Variants in GMDS observed in about 807,000 individuals in gnomAD.
GMDS encodes the protein GDP-mannose 4,6-dehydratase, also known as GDP-mannose 4,6 dehydratase.
A neutral mutation model predicts 49.9 loss-of-function variants in GMDS; 20 were observed. The ratio of observed to expected loss-of-function variants is 0.40; its 90% CI spans 0.28 to 0.58. The LOEUF (loss-of-function observed/expected upper bound fraction) is 0.58, where lower values mean the gene tolerates loss of function less well. Among genes scored for constraint, GMDS ranks in the 20% least tolerant of loss-of-function variants. The probability of loss-of-function intolerance (pLI) is 0.42; values close to 1 mark genes in which losing one functional copy is unlikely to be tolerated. For synonymous variants in GMDS, 177 were observed against 178.6 expected (o/e 0.99, Z 0.07); for missense variants, 362 against 481.4 (o/e 0.75, Z 2.32).
At chr6:1,700,560 C>A (rs1409982552) in intron 9 of GMDS, among the ~76,000 whole-genome samples, 1 of 152,164 alleles carries the variant, frequency 6.6e-6, no homozygotes, top group Non-Finnish European at 1.5e-5. Flanking sequence ...GAGTCAGGAG[C>A]TGCACGGCCA....
chr6:1,731,761 G>A (rs1265309060), intron 8 of GMDS, among the ~76,000 whole-genome samples: 2 of 152,200 alleles, frequency 1.3e-5, no homozygotes, highest in African/African-American at 4.8e-5. Flanking sequence ...CTCAGTGCAG[G>A]ATAGCAGCTA....
At chr6:2,156,572 AAAATATT>A (rs1777124482) in intron 1 of GMDS, among the ~76,000 whole-genome samples, 1 of 152,252 alleles carries the variant, frequency 6.6e-6, no homozygotes, top group Non-Finnish European at 1.5e-5. Flanking sequence ...GATAACTATT[AAAATATT>A]AAGTGTAGTG....
At chr6:1,981,150 A>T (rs576856424) in intron 4 of GMDS, among the ~76,000 whole-genome samples, 2 of 152,248 alleles carry the variant, frequency 1.3e-5, no homozygotes, top group South Asian at 4.2e-4. Flanking sequence ...CCAAGAGCAA[A>T]CAAACCCCAA....
At chr6:1,964,259 A>G (rs775952645) in intron 4 of GMDS, among the ~76,000 whole-genome samples, 1 of 152,208 alleles carries the variant, frequency 6.6e-6, no homozygotes, top group African/African-American at 2.4e-5. Flanking sequence ...TCAAGGGACC[A>G]GTCAATTTTG....
At chr6:2,125,579 G>A (rs1775384880) in intron 1 of GMDS, among the ~76,000 whole-genome samples, 1 of 152,124 alleles carries the variant, frequency 6.6e-6, no homozygotes, top group East Asian at 1.9e-4. Context: ...GGGTGGCAGA[G>A]GGAGACATTG....
intron 7 of GMDS, among the ~76,000 whole-genome samples, chr6:1,791,904 CTT>C (rs946824843): frequency 2.0e-4 from 31 of 152,176 alleles, no homozygotes; most frequent in Middle Eastern, 3.4e-3. Flanking sequence ...ACAGAAATCT[CTT>C]GTTTCTTGCT....
intron 7 of GMDS, among the ~76,000 whole-genome samples, chr6:1,922,668 G>T (rs537056459): frequency 8.1e-4 from 124 of 152,302 alleles, no homozygotes; most frequent in African/African-American, 2.9e-3. Flanking sequence ...GTAGAAGAGA[G>T]AAACGTGGTT....
At chr6:2,092,635 A>C (rs1773384197) in intron 4 of GMDS, among the ~76,000 whole-genome samples, 1 of 152,198 alleles carries the variant, frequency 6.6e-6, no homozygotes, top group South Asian at 2.1e-4. Flanking sequence ...TAAGACACTG[A>C]GATTCTATGG....
chr6:2,117,595 G>A, intron 2 of GMDS, 39 bp from the exon 3 acceptor site: 1 of 1,018,134 alleles, frequency 9.8e-7, no homozygotes, highest in East Asian at 2.4e-5. Context: ...TGTGCAATGA[G>A]GACTAATAAA....
chr6:1,774,105 G>A (rs1228232371), intron 7 of GMDS, among the ~76,000 whole-genome samples: 1 of 152,230 alleles, frequency 6.6e-6, no homozygotes, highest in Non-Finnish European at 1.5e-5. Flanking sequence ...CCCAAAGAGT[G>A]CTGACTATAT....
At chr6:2,159,738 C>T (rs150103739) in intron 1 of GMDS, among the ~76,000 whole-genome samples, 5 of 151,360 alleles carry the variant, frequency 3.3e-5, no homozygotes, top group Admixed American at 1.3e-4. Context: ...AAGCTGGTTT[C>T]GAACCTGACC....
chr6:1,721,864 C>T (rs1766396279), intron 9 of GMDS, among the ~76,000 whole-genome samples: 1 of 151,980 alleles, frequency 6.6e-6, no homozygotes, highest in Non-Finnish European at 1.5e-5. Context: ...TACTGAGTAG[C>T]CCCTGAACTT....
At chr6:2,051,092 G>A (rs930635399) in intron 4 of GMDS, among the ~76,000 whole-genome samples, 3 of 152,086 alleles carry the variant, frequency 2.0e-5, no homozygotes, top group Non-Finnish European at 4.4e-5. Context: ...ATGTACCCTA[G>A]AACTTAAAAT....
At chr6:1,919,110 T>C (rs1020777253) in intron 7 of GMDS, among the ~76,000 whole-genome samples, 3 of 152,196 alleles carry the variant, frequency 2.0e-5, no homozygotes, top group Admixed American at 2.0e-4. Context: ...AGGTATTTAC[T>C]GGGCATCTGT....
rs1451774664 is a variant in GMDS, at chr6:1,678,198, T to C, written c.987+48218A>G. Among the ~76,000 whole-genome samples, 7 of 152,186 alleles carry C rather than the reference T, an allele frequency of 4.6e-5. No individual in the cohort carries two copies. The South Asian group carries it at 1.5e-3, about 32-fold the overall frequency. ...TCTCAAGGCGAAGATCAGGAAAAAA[T>C]CCCCTGTGCTTCTGGCAGGAGGAGG... On this transcript the variant is annotated intron_variant, in intron 9 of 10. Transcript: ENST00000380815.
intron 1 of GMDS, among the ~76,000 whole-genome samples, chr6:2,172,938 A>G (rs1162223908): frequency 1.3e-5 from 2 of 152,210 alleles, no homozygotes; most frequent in Non-Finnish European, 2.9e-5. Context: ...ATTTGTAAAA[A>G]CTAATATTAA....
At chr6:1,858,936 G>A (rs779072912) in intron 7 of GMDS, among the ~76,000 whole-genome samples, 1 of 150,230 alleles carries the variant, frequency 6.7e-6, no homozygotes, top group Non-Finnish European at 1.5e-5. Context: ...AAGGAGAAAT[G>A]GCCGTATCTC....
At chr6:2,121,380 C>T (rs1466550551) in intron 2 of GMDS, among the ~76,000 whole-genome samples, 1 of 152,186 alleles carries the variant, frequency 6.6e-6, no homozygotes, top group Non-Finnish European at 1.5e-5. Flanking sequence ...AGTGTTACAT[C>T]CATTCTCCTC....
intron 7 of GMDS, among the ~76,000 whole-genome samples, chr6:1,777,391 A>G (rs1051096785): frequency 6.6e-6 from 1 of 152,198 alleles, no homozygotes; most frequent in Non-Finnish European, 1.5e-5. Flanking sequence ...AAGAAAACTA[A>G]TCTGCTTATA....
Sources: allele counts gnomAD v4.1 joint callset (sites outside exome capture counted in the v4.1 genomes callset), GRCh38; gene constraint gnomAD v4.1.1; transcripts MANE v1.5; gene names NCBI Gene and HGNC (gene_info 2026-07-23, HGNC 2026-07-21).